MED15: variants seen among roughly 807,000 people sequenced by gnomAD.
MED15 encodes mediator complex subunit 15.
MED15 carries 41 observed loss-of-function variants against 118.7 expected under a neutral mutation model. That is an observed-to-expected ratio of 0.35 (90% CI 0.27 to 0.45). MED15 has a LOEUF of 0.45. Among genes scored for constraint, MED15 ranks in the 20% least tolerant of loss-of-function variants. The pLI is 1.00. For synonymous variants in MED15, 436 were observed against 413.9 expected (o/e 1.05, Z -0.65); for missense variants, 740 against 1,025.5 (o/e 0.72, Z 3.80).
chr22:20,575,721 AT>A (rs11365089), intron 9 of MED15, among the ~76,000 whole-genome samples: 3,766 of 151,286 alleles, frequency 0.025, 161 homozygotes, highest in African/African-American at 0.086. Context: ...AATTATATAC[AT>A]TTTTTAATGG....
intron 2 of MED15, among the ~76,000 whole-genome samples, chr22:20,544,060 A>C (rs2055426732): frequency 6.6e-6 from 1 of 152,020 alleles, no homozygotes; most frequent in Non-Finnish European, 1.5e-5. Context: ...TTTAATTTTC[A>C]TGTTTCTAAC....
chr22:20,581,181 G>A (rs1160308222), intron 9 of MED15, among the ~76,000 whole-genome samples: 1 of 152,236 alleles, frequency 6.6e-6, no homozygotes, highest in Non-Finnish European at 1.5e-5. Context: ...AGCATCCCTT[G>A]CAGCACTGTC....
intron 8 of MED15, chr22:20,573,858 G>T (rs71312770): frequency 6.6e-6 from 1 of 152,230 alleles, no homozygotes; most frequent in African/African-American, 2.4e-5. Flanking sequence ...AAGTGCCGCA[G>T]GTGGTGGTAA....
intron 1 of MED15, among the ~76,000 whole-genome samples, chr22:20,536,233 C>T (rs974234574): frequency 5.3e-5 from 8 of 152,042 alleles, no homozygotes; most frequent in African/African-American, 1.9e-4. Context: ...GAGACCCATC[C>T]CACTGGCAAG....
intron 9 of MED15, among the ~76,000 whole-genome samples, chr22:20,576,791 C>T (rs1341164527): frequency 4.6e-5 from 7 of 152,298 alleles, no homozygotes; most frequent in Admixed American, 2.6e-4. Flanking sequence ...GTGAGTTCCA[C>T]GACCTGCTCA....
intron 13 of MED15, 135 bp from the exon 14 acceptor site, chr22:20,584,224 G>A: frequency 1.2e-6 from 1 of 863,932 alleles, no homozygotes; most frequent in Non-Finnish European, 1.9e-6. Context: ...CTCTGGGTCT[G>A]GGAACAGCTG....
chr22:20,524,773 C>T (rs2054574833), intron 1 of MED15, among the ~76,000 whole-genome samples: 1 of 152,182 alleles, frequency 6.6e-6, no homozygotes, highest in Non-Finnish European at 1.5e-5. Flanking sequence ...AGGCGCCTGC[C>T]ACCATGCCCA....
intron 2 of MED15, 115 bp from the exon 3 acceptor site, chr22:20,551,321 C>G: frequency 1.1e-6 from 1 of 943,164 alleles, no homozygotes; most frequent in Non-Finnish European, 1.8e-6. Context: ...GCGTCTGAAT[C>G]TGCCTTGCAG....
chr22:20,581,110 G>C (rs1388646280), intron 9 of MED15, among the ~76,000 whole-genome samples: 2 of 152,334 alleles, frequency 1.3e-5, no homozygotes, highest in East Asian at 3.9e-4. Context: ...GTCACGCTCT[G>C]TGCCTTAGCC....
chr22:20,547,327 T>C (rs1432957929), intron 2 of MED15, among the ~76,000 whole-genome samples: 1 of 152,236 alleles, frequency 6.6e-6, no homozygotes, highest in Non-Finnish European at 1.5e-5. Context: ...ACCAACTTAA[T>C]ATTCAGCTCA....
intron 5 of MED15, among the ~76,000 whole-genome samples, chr22:20,557,139 G>C (rs1360923795): frequency 6.6e-6 from 1 of 152,158 alleles, no homozygotes; most frequent in Non-Finnish European, 1.5e-5. Context: ...TATGAAGAGG[G>C]CAGCATCGCC....
At chr22:20,529,675 T>C (rs2054784514) in intron 1 of MED15, among the ~76,000 whole-genome samples, 1 of 151,846 alleles carries the variant, frequency 6.6e-6, no homozygotes, top group Admixed American at 6.6e-5. Flanking sequence ...TCTTGGCTCA[T>C]TGCAACCTTT....
Position 20,552,149 on chromosome 22 carries a change from A to C in MED15, c.208+662A>C, listed in dbSNP as rs771458672. Among the ~76,000 whole-genome samples, 5 of 152,202 alleles carry C rather than the reference A, an allele frequency of 3.3e-5. No individual in the cohort carries two copies. In the East Asian group the frequency reaches 9.6e-4, roughly 29 times the overall value. On this transcript the variant is annotated intron_variant, in intron 3 of 17. Coordinates refer to ENST00000263205, the MANE Select transcript of MED15 (RefSeq NM_001003891.3). ...CTGGATGGCCACAGCCTGCGAAGGA[A>C]ACTGGGGCCAGCAGCTGCTCTGTGT...
intron 1 of MED15, among the ~76,000 whole-genome samples, chr22:20,531,749 C>T (rs1366603737): frequency 6.6e-6 from 1 of 152,258 alleles, no homozygotes; most frequent in African/African-American, 2.4e-5. Flanking sequence ...AAGTGGACGC[C>T]GTTGTCTCTG....
At chr22:20,559,272 A>G (rs1209026921) in intron 5 of MED15, among the ~76,000 whole-genome samples, 1 of 152,248 alleles carries the variant, frequency 6.6e-6, no homozygotes, top group Non-Finnish European at 1.5e-5. Context: ...GAAATGAGCA[A>G]TATAATTATT....
At chr22:20,539,179 A>G (rs565016974) in intron 2 of MED15, among the ~76,000 whole-genome samples, 48 of 151,968 alleles carry the variant, frequency 3.2e-4, no homozygotes, top group African/African-American at 1.1e-3. Flanking sequence ...GCTCACTGCA[A>G]CCTCCACCCA....
Position 20,564,592 on chromosome 22 carries a change from G to A in MED15, c.594G>A (p.Gln198=). The change falls in exon 6 of 18, where the codon CAG becomes CAA. Residue 198 remains glutamine (Q), a synonymous_variant. Coordinates refer to ENST00000263205, the MANE Select transcript of MED15 (RefSeq NM_001003891.3). ...QFQAQQSAMQ[Q]QFQAVVQQQQ... The stretch of plus-strand genomic sequence containing the variant: ...AGGCTCAGCAGAGTGCCATGCAGCA[G>A]CAGTTCCAAGCAGTAGTGCAGCAGC... 1 of 1,610,506 alleles carries A rather than the reference G, an allele frequency of 6.2e-7. No homozygotes were observed. Among genetic ancestry groups the A allele is most frequent in the African/African-American group, 1.3e-5 (1 of 74,944 alleles).
intron 1 of MED15, among the ~76,000 whole-genome samples, chr22:20,526,714 A>G (rs987113842): frequency 6.6e-5 from 10 of 152,160 alleles, no homozygotes; most frequent in Non-Finnish European, 1.3e-4. Flanking sequence ...CCTGGCCTCA[A>G]GTGATCCATC....
rs189225333 is a variant in MED15 at position 20,578,922 on chromosome 22, C to T, written c.1273-3689C>T. Among the ~76,000 whole-genome samples, 75 of 152,366 alleles carry T rather than the reference C, an allele frequency of 4.9e-4. No homozygotes were observed. The East Asian group carries it at 9.8e-3, about 20-fold the overall frequency. On this transcript the variant is annotated intron_variant, in intron 9 of 17. Coordinates refer to ENST00000263205, the MANE Select transcript of MED15 (RefSeq NM_001003891.3). ...CCCAGGCTCCCTCCCTCTGTCTTGA[C>T]GGCTCATGGCTGCATCTTCCTGTTA...
Sources: gnomAD v4.1 joint callset for allele counts (sites outside exome capture counted in the v4.1 genomes callset) on GRCh38, gnomAD v4.1.1 for gene constraint, MANE v1.5 for transcripts, NCBI Gene and HGNC (gene_info 2026-07-23, HGNC 2026-07-21) for gene names.